The following DSG1 variants were observed in gnomAD, a reference collection of about 807,000 sequenced individuals.
DSG1 encodes desmoglein 1.
DSG1 carries 39 observed loss-of-function variants against 97.5 expected under a neutral mutation model. The observed-to-expected ratio is 0.40, with a 90% CI of 0.31 to 0.52. DSG1 has a LOEUF of 0.52. DSG1 is among the 20% of genes least tolerant of loss of function. The pLI, the probability that DSG1 is intolerant of heterozygous loss-of-function variation, is 0.53. For synonymous variants in DSG1, 475 were observed against 443.4 expected, an observed-to-expected ratio of 1.07 and a Z score of -0.90; for missense variants, 1,311 against 1,295.4, an observed-to-expected ratio of 1.01 and a Z score of -0.18.
chr18:31,354,852 T>C lies in DSG1; in HGVS notation c.2656T>C (p.Leu886=), dbSNP rs1162966680. The C allele has an allele frequency of 6.2e-7, 1 of 1,614,126 alleles. No individual in the cohort carries two copies. The highest frequency in any genetic ancestry group is 8.5e-7 in the Non-Finnish European group (1 of 1,180,020). The stretch of plus-strand genomic sequence containing the variant: ...GCATGGAATGTTAGAGATGCCTGAC[T>C]TGCGAGATGGGTCGAATGTTATAGT... ...DLHGMLEMPD[L]RDGSNVIVTE... Residue 886 remains leucine (L), a synonymous_variant, in exon 15 of 15, where the codon TTG becomes CTG. Coordinates refer to ENST00000257192, the MANE Select transcript of DSG1 (RefSeq NM_001942.4).
rs1436840056 is a variant in DSG1 at position 31,328,284 on chromosome 18, GA to G, written c.316del (p.Thr106LeufsTer6). On this transcript the variant is annotated frameshift_variant, in exon 4 of 15. Coordinates refer to ENST00000257192, the MANE Select transcript of DSG1 (RefSeq NM_001942.4). LOFTEE classifies it high-confidence loss of function. ...PPYGIFVINQKTGEINITSIV... is the reference protein window; with the variant it reads ...PPYGIFVINQXTGEINITSIV... The stretch of plus-strand genomic sequence containing the variant: ...CATATGGGATCTTTGTCATTAATCA[GA>G]AAACTGGTGAAATTAATATAACATC... 1 of 1,613,514 alleles carries G rather than the reference GA, an allele frequency of 6.2e-7. No individual in the cohort carries two copies. Among genetic ancestry groups the G allele is most frequent in the Non-Finnish European group, 8.5e-7 (1 of 1,179,548 alleles).
At chr18:31,321,570 G>A (rs780189219) in intron 1 of DSG1, among the ~76,000 whole-genome samples, 106 of 152,274 alleles carry the variant, frequency 7.0e-4, no homozygotes, top group Non-Finnish European at 1.1e-3. Context: ...GTAGATTTAG[G>A]ATTAGCATCT....
chr18:31,328,366 A>G (rs1568040352), intron 4 of DSG1, 22 bp downstream of exon 4: 2 of 1,602,902 alleles, frequency 1.2e-6, no homozygotes, highest in Non-Finnish European at 1.7e-6. Context: ...TCATGTCAAT[A>G]TATATGTTCA....
At chr18:31,321,712 T>G (rs1447661222) in intron 1 of DSG1, among the ~76,000 whole-genome samples, 1 of 152,216 alleles carries the variant, frequency 6.6e-6, no homozygotes, top group Non-Finnish European at 1.5e-5. Context: ...AAGAATGCTG[T>G]CTTAAATCTG....
In DSG1 at chr18:31,326,897, T is replaced by C; in HGVS notation, c.108T>C (p.Asn36=). 6.2e-7 allele frequency: 1 copy of C among 1,613,840 alleles called. No individual in the cohort carries two copies. The highest frequency in any genetic ancestry group is 8.5e-7 in the Non-Finnish European group (1 of 1,179,826). ...AGGTAAGAGATTATAACACTAAAAA[T>C]GGCACCATCAAATGGCATTCAATCC... The part of the protein sequence containing the change: ...RIQVRDYNTK[N]GTIKWHSIRR... Residue 36 remains asparagine (N), a synonymous_variant, in exon 3 of 15, where the codon AAT becomes AAC. Transcript: ENST00000257192.
At chr18:31,318,900 T>C (rs180793366) in intron 1 of DSG1, among the ~76,000 whole-genome samples, 11 of 152,294 alleles carry the variant, frequency 7.2e-5, no homozygotes, top group Non-Finnish European at 1.5e-4. Context: ...AGCCCCGCAC[T>C]ATTTAACTAT....
intron 14 of DSG1, chr18:31,347,546 T>A (rs1463173485): frequency 1.3e-5 from 2 of 152,188 alleles, no homozygotes; most frequent in African/African-American, 4.8e-5. Context: ...AAAGGCTCAA[T>A]CATTTTTTTA....
intron 4 of DSG1, among the ~76,000 whole-genome samples, chr18:31,329,680 A>G (rs1370898189): frequency 1.3e-5 from 2 of 151,860 alleles, no homozygotes; most frequent in African/African-American, 2.4e-5. Context: ...AATAATAATA[A>G]TCATAATAAT....
At chr18:31,326,533 A>C (rs138634360) in intron 1 of DSG1, 48 bp from the exon 2 acceptor site, 13 of 1,364,430 alleles carry the variant, frequency 9.5e-6, no homozygotes, top group African/African-American at 1.4e-5. Context: ...ATAAATTTTA[A>C]AGCATTTAAT....
In DSG1 at chr18:31,354,989, C is replaced by T. The variant is rs147922509; in HGVS notation, c.2793C>T (p.Ser931=). The part of the protein sequence containing the change: ...VVTERVIQPT[S]GMIGSLSMHP... ...CAGAAAGAGTAATCCAACCAACTTC[C>T]GGCATGATAGGTAGTCTGAGTATGC... The change falls in exon 15 of 15, where the codon TCC becomes TCT. Residue 931 remains serine, a synonymous_variant. Coordinates refer to ENST00000257192, the MANE Select transcript of DSG1 (RefSeq NM_001942.4). The T allele has an allele frequency of 1.5e-4, 235 of 1,614,174 alleles. No individual in the cohort carries two copies. The highest frequency in any genetic ancestry group is 1.5e-3 in the African/African-American group (109 of 75,034).
intron 6 of DSG1, among the ~76,000 whole-genome samples, chr18:31,332,177 T>TA (rs2071725507): frequency 6.6e-6 from 1 of 152,004 alleles, no homozygotes; most frequent in South Asian, 2.1e-4. Flanking sequence ...TCCATTTCTC[T>TA]AAAAAGTGTG....
At chr18:31,337,162 A>G (rs1350443704) in intron 9 of DSG1, among the ~76,000 whole-genome samples, 1 of 152,212 alleles carries the variant, frequency 6.6e-6, no homozygotes, top group African/African-American at 2.4e-5. Context: ...GTGCACATGT[A>G]CCTGTATTTG....
chr18:31,331,983 CT>C, intron 6 of DSG1, 116 bp downstream of exon 6: 1 of 973,512 alleles, frequency 1.0e-6, no homozygotes, highest in South Asian at 1.6e-5. Flanking sequence ...ACTTGTATAA[CT>C]TTTTCACATA....
intron 10 of DSG1, among the ~76,000 whole-genome samples, chr18:31,339,191 T>C (rs2071773120): frequency 6.6e-6 from 1 of 152,104 alleles, no homozygotes. Context: ...ACAGGGTAAG[T>C]AAACCATGGT....
Position 31,340,340 on chromosome 18 carries a change from C to T in DSG1, c.1687+315C>T, listed in dbSNP as rs1008641432. Among the ~76,000 whole-genome samples, 3 of 151,592 alleles carry T rather than the reference C, an allele frequency of 2.0e-5. No homozygotes were observed. In the East Asian group the frequency reaches 5.9e-4, roughly 30 times the overall value. On this transcript the variant is annotated intron_variant, in intron 11 of 14. Coordinates refer to ENST00000257192, the MANE Select transcript of DSG1 (RefSeq NM_001942.4). ...GGCTACAGAGGGCGGGGTGTGGTGG[C>T]TCATGCCTGTAATCCCAGAACTTTG...
chr18:31,336,754 C>G, intron 9 of DSG1, 141 bp downstream of exon 9: 1 of 909,062 alleles, frequency 1.1e-6, no homozygotes, highest in Non-Finnish European at 1.6e-6. Context: ...GTACTATAAA[C>G]TGTGCATTTA....
At chr18:31,350,812 A>T (rs897486958) in intron 14 of DSG1, among the ~76,000 whole-genome samples, 1 of 150,494 alleles carries the variant, frequency 6.6e-6, no homozygotes, top group Non-Finnish European at 1.5e-5. Context: ...ATCAGTGGTG[A>T]TATCCCCTTT....
chr18:31,318,580 G>A (rs1416511562), intron 1 of DSG1, among the ~76,000 whole-genome samples: 1 of 152,126 alleles, frequency 6.6e-6, no homozygotes, highest in Non-Finnish European at 1.5e-5. Context: ...CTCTGACACT[G>A]AAGTCATTGC....
rs552483330 is a variant in DSG1 at position 31,334,349 on chromosome 18, C to T, written c.1005+147C>T. On this transcript the variant is annotated intron_variant, in intron 8 of 14. Transcript: ENST00000257192. ...TTTTAAATATATATATAACATAGAG[C>T]TTTTTAATATAGTCTTTCTGCTTAT... The T allele has an allele frequency of 2.3e-5, 13 of 573,988 alleles. No homozygotes were observed. In the East Asian group the frequency reaches 3.5e-4, roughly 15 times the overall value. The allele number at this position is 573,988 out of a possible 1,614,324, so 35.6% of individuals were successfully genotyped here.
Sources: gnomAD v4.1 joint callset for allele counts (sites outside exome capture counted in the v4.1 genomes callset) on GRCh38, gnomAD v4.1.1 for gene constraint, MANE v1.5 for transcripts, NCBI Gene and HGNC (gene_info 2026-07-23, HGNC 2026-07-21) for gene names.